Variants in MAGI2 observed in about 807,000 individuals in gnomAD.
MAGI2 encodes membrane associated guanylate kinase, WW and PDZ domain containing 2, also known as membrane-associated guanylate kinase, WW and PDZ domain-containing protein 2.
Under a neutral mutation model 133.3 loss-of-function variants are expected in MAGI2, and 35 were observed. The observed-to-expected ratio is 0.26, with a 90% CI of 0.20 to 0.35. The LOEUF (loss-of-function observed/expected upper bound fraction) is 0.35, where lower values mean the gene tolerates loss of function less well. Ranked by LOEUF, MAGI2 falls within the 10% of genes least tolerant of loss-of-function variation. The pLI, the probability that MAGI2 is intolerant of heterozygous loss-of-function variation, is 1.00. For synonymous variants in MAGI2, 729 were observed against 710.6 expected (o/e 1.03, Z -0.41); for missense variants, 1,636 against 1,863.4 (o/e 0.88, Z 2.25).
chr7:79,354,519 G>A (rs570715028), intron 1 of MAGI2: 1 of 152,332 alleles, frequency 6.6e-6, no homozygotes, highest in Non-Finnish European at 1.5e-5. Flanking sequence ...TTCTTGGATT[G>A]GGGACAGGAT....
chr7:78,817,591 A>G (rs1789703258), intron 2 of MAGI2, among the ~76,000 whole-genome samples: 1 of 152,364 alleles, frequency 6.6e-6, no homozygotes, highest in Middle Eastern at 3.4e-3. Flanking sequence ...ATTGGCAACC[A>G]GATTATGACT....
chr7:79,345,619 G>A (rs568706449), intron 1 of MAGI2, among the ~76,000 whole-genome samples: 2 of 152,134 alleles, frequency 1.3e-5, no homozygotes, highest in Middle Eastern at 3.4e-3. Flanking sequence ...TTTCAGAATT[G>A]AGAAATTCTC....
intron 2 of MAGI2, among the ~76,000 whole-genome samples, chr7:78,786,479 G>T (rs768035915): frequency 1.6e-4 from 25 of 152,130 alleles, no homozygotes; most frequent in Non-Finnish European, 2.9e-4. Flanking sequence ...TTCAACATTT[G>T]CTGGCCACTT....
chr7:78,691,995 C>G (rs995769373), intron 2 of MAGI2, among the ~76,000 whole-genome samples: 5 of 152,164 alleles, frequency 3.3e-5, no homozygotes, highest in African/African-American at 9.6e-5. Flanking sequence ...GTTTTGCATG[C>G]GTCGGGGCAG....
chr7:79,383,030 G>C (rs1843911453), intron 1 of MAGI2, among the ~76,000 whole-genome samples: 1 of 151,554 alleles, frequency 6.6e-6, no homozygotes, highest in Non-Finnish European at 1.5e-5. Flanking sequence ...TCTTAAAGAT[G>C]ACAGGACCAA....
At chr7:78,602,507 C>T (rs1805314315) in intron 3 of MAGI2, among the ~76,000 whole-genome samples, 2 of 151,412 alleles carry the variant, frequency 1.3e-5, no homozygotes, top group African/African-American at 4.9e-5. Context: ...GTCTTGGATG[C>T]TTTGAAGCCA....
At chr7:78,698,169 T>A (rs1371680994) in intron 2 of MAGI2, among the ~76,000 whole-genome samples, 1 of 152,192 alleles carries the variant, frequency 6.6e-6, no homozygotes, top group Admixed American at 6.6e-5. Context: ...ATATTTCCAA[T>A]AAGCTATATC....
chr7:78,129,978 G>A (rs1389710132), intron 18 of MAGI2, among the ~76,000 whole-genome samples: 1 of 147,744 alleles, frequency 6.8e-6, no homozygotes, highest in East Asian at 2.0e-4. Flanking sequence ...TTCCAGTCCT[G>A]AGCATCTAGA....
intron 2 of MAGI2, among the ~76,000 whole-genome samples, chr7:78,782,409 T>C (rs1271048593): frequency 6.6e-6 from 1 of 152,052 alleles, no homozygotes; most frequent in Non-Finnish European, 1.5e-5. Flanking sequence ...AGTCCTTTGA[T>C]AAAGGAGTGG....
chr7:78,289,980 G>A (rs1027898174), intron 9 of MAGI2, among the ~76,000 whole-genome samples: 19 of 152,072 alleles, frequency 1.2e-4, no homozygotes, highest in African/African-American at 2.2e-4. Flanking sequence ...AGGAACAACC[G>A]GTACCAGCCA....
chr7:78,248,412 C>A (rs1792023362), intron 10 of MAGI2, among the ~76,000 whole-genome samples: 1 of 152,222 alleles, frequency 6.6e-6, no homozygotes, highest in Admixed American at 6.5e-5. Context: ...GTAGTAAGTC[C>A]TTATCTATCA....
chr7:78,633,760 G>A (rs1809327176), intron 2 of MAGI2, among the ~76,000 whole-genome samples: 1 of 150,216 alleles, frequency 6.7e-6, no homozygotes, highest in Non-Finnish European at 1.5e-5. Flanking sequence ...AAAATGGTGC[G>A]ATAAAAAGGT....
At chr7:79,312,783 G>T (rs929790961) in intron 1 of MAGI2, among the ~76,000 whole-genome samples, 10 of 152,134 alleles carry the variant, frequency 6.6e-5, no homozygotes, top group African/African-American at 2.4e-4. Flanking sequence ...TAAGTATTGG[G>T]ATCTCCTCGA....
intron 2 of MAGI2, among the ~76,000 whole-genome samples, chr7:78,814,390 A>G (rs1044857844): frequency 2.6e-5 from 4 of 152,208 alleles, no homozygotes; most frequent in Non-Finnish European, 5.9e-5. Context: ...CTTGGTTTAG[A>G]AGATAGTCTA....
At chr7:78,233,037 A>G (rs1320430220) in intron 10 of MAGI2, among the ~76,000 whole-genome samples, 1 of 152,194 alleles carries the variant, frequency 6.6e-6, no homozygotes, top group African/African-American at 2.4e-5. Context: ...AGATGAGGCT[A>G]AAGAGACTGG....
chr7:78,389,385 C>T (rs933782611), intron 6 of MAGI2, among the ~76,000 whole-genome samples: 4 of 152,110 alleles, frequency 2.6e-5, no homozygotes, highest in Admixed American at 6.6e-5. Flanking sequence ...ATATTATGAC[C>T]ATCTGTTTTC....
chr7:79,231,886 A>G (rs1481997820), intron 1 of MAGI2, among the ~76,000 whole-genome samples: 1 of 152,002 alleles, frequency 6.6e-6, no homozygotes, highest in African/African-American at 2.4e-5. Flanking sequence ...TTCAAAGGGA[A>G]TGCTTCCAGT....
chr7:78,632,967 A>G (rs1809182414), intron 2 of MAGI2, among the ~76,000 whole-genome samples: 1 of 152,344 alleles, frequency 6.6e-6, no homozygotes, highest in East Asian at 1.9e-4. Context: ...AGCAGTATTC[A>G]CAATAACAAA....
At chr7:78,795,768 G>T (rs1787551994) in intron 2 of MAGI2, among the ~76,000 whole-genome samples, 1 of 152,090 alleles carries the variant, frequency 6.6e-6, no homozygotes, top group Non-Finnish European at 1.5e-5. Context: ...AACCAAAGCG[G>T]CATGGTACCG....
Sources: gnomAD v4.1 joint callset for allele counts (sites outside exome capture counted in the v4.1 genomes callset) on GRCh38, gnomAD v4.1.1 for gene constraint, MANE v1.5 for transcripts, NCBI Gene and HGNC (gene_info 2026-07-23, HGNC 2026-07-21) for gene names.